RGS10: variants seen among roughly 807,000 people sequenced by gnomAD.
RGS10 encodes regulator of G protein signaling 10, also known as regulator of G-protein signalling 10.
In RGS10, 11 loss-of-function variants were observed where a neutral mutation model predicts 23.5. The ratio of observed to expected loss-of-function variants is 0.47; its 90% CI spans 0.29 to 0.77. The LOEUF is 0.77. RGS10 is among the 30% of genes least tolerant of loss of function. The probability of loss-of-function intolerance (pLI) is 0.08; values close to 1 mark genes in which losing one functional copy is unlikely to be tolerated. For missense variants in RGS10, 180 were observed against 226.3 expected (o/e 0.80, Z 1.31); for synonymous variants, 77 against 83.2 (o/e 0.92, Z 0.41).
intron 1 of RGS10, chr10:119,536,389 C>T: frequency 7.1e-7 from 1 of 1,404,506 alleles, no homozygotes; most frequent in Admixed American, 1.8e-5. Context: ...CACACTCTTC[C>T]CAGCCCCTGC....
rs200925669 is a variant in RGS10, at chr10:119,502,148, CT to C, written c.400-1890del. ...GAGGTTTACAGAAAAAAAAAACAAACTTTTTTTTAATCCCAGAAAATACAAA... is the reference window on the plus strand; with the variant it reads ...GAGGTTTACAGAAAAAAAAAACAAACTTTTTTTAATCCCAGAAAATACAAA... On this transcript the variant is annotated intron_variant, in intron 4 of 4. Coordinates refer to ENST00000369103, the MANE Select transcript of RGS10 (RefSeq NM_001005339.2). Among the ~76,000 whole-genome samples the C allele has an allele frequency of 8.2e-3, 1,247 of 151,354 alleles. 19 individuals carry two copies. The highest frequency in any genetic ancestry group is 0.029 in the African/African-American group (1,181 of 41,234).
chr10:119,531,613 A>C (rs1269702611), intron 1 of RGS10, among the ~76,000 whole-genome samples: 1 of 152,264 alleles, frequency 6.6e-6, no homozygotes, highest in East Asian at 1.9e-4. Flanking sequence ...CTCAAAACAC[A>C]CTAATGTGGT....
chr10:119,525,382 C>A (rs1844262773), intron 3 of RGS10, among the ~76,000 whole-genome samples: 1 of 152,198 alleles, frequency 6.6e-6, no homozygotes, highest in Non-Finnish European at 1.5e-5. Flanking sequence ...ACACCAGGAG[C>A]CTCCTTCATT....
At chr10:119,514,753 T>C (rs989230667) in intron 4 of RGS10, among the ~76,000 whole-genome samples, 39 of 151,932 alleles carry the variant, frequency 2.6e-4, no homozygotes, top group Admixed American at 2.6e-3. Context: ...CAGAGGTCAG[T>C]ACAGGTTCGC....
At chr10:119,513,278 C>G (rs1283778510) in intron 4 of RGS10, among the ~76,000 whole-genome samples, 1 of 151,794 alleles carries the variant, frequency 6.6e-6, no homozygotes, top group Non-Finnish European at 1.5e-5. Flanking sequence ...GGCAACATAG[C>G]GAAAGTTCAT....
chr10:119,510,291 ACC>A (rs1327863011), intron 4 of RGS10, among the ~76,000 whole-genome samples: 2 of 150,652 alleles, frequency 1.3e-5, no homozygotes, highest in African/African-American at 4.9e-5. Flanking sequence ...AACTTTCACC[ACC>A]CCCTCATGTG....
intron 1 of RGS10, among the ~76,000 whole-genome samples, chr10:119,534,590 C>CAAA (rs561361616): frequency 1.5e-4 from 11 of 72,906 alleles, no homozygotes; most frequent in South Asian, 1.1e-3. Flanking sequence ...GACTCTGTCT[C>CAAA]AAAAAAAAAA....
intron 1 of RGS10, among the ~76,000 whole-genome samples, chr10:119,534,453 T>C (rs1345987400): frequency 1.4e-5 from 2 of 147,990 alleles, no homozygotes; most frequent in Non-Finnish European, 3.0e-5. Context: ...TAGCCAGGCA[T>C]GGTAGCACGT....
Position 119,517,960 on chromosome 10 carries a change from C to T in RGS10, c.256-2308G>A, listed in dbSNP as rs1844165010. On this transcript the variant is annotated intron_variant, in intron 3 of 4. Transcript: ENST00000369103. This position sits in a 1 kb window ranked among gnomAD's most constrained non-coding sequence, Gnocchi z 5.0. ...GCCCACTGTGAGCAGCTGCAGGGCT[C>T]AGCTTATCTCGGCGGAGCTAGGAAG... 6.6e-6 allele frequency among the ~76,000 whole-genome samples: 1 copy of T among 152,104 alleles called. No individual in the cohort carries two copies. The highest frequency in any genetic ancestry group is 2.1e-4 in the South Asian group (1 of 4,808).
chr10:119,501,810 G>A (rs1280188228), intron 4 of RGS10, among the ~76,000 whole-genome samples: 2 of 152,174 alleles, frequency 1.3e-5, no homozygotes, highest in African/African-American at 4.8e-5. Context: ...GAGGATGGGA[G>A]GTGCTTCAGG....
intron 4 of RGS10, among the ~76,000 whole-genome samples, chr10:119,513,409 G>A (rs1026579217): frequency 2.0e-5 from 3 of 152,074 alleles, no homozygotes; most frequent in East Asian, 1.9e-4. Context: ...GCACTGAGCC[G>A]GGTTCATGCC....
In RGS10 at chr10:119,526,117, T is replaced by G. The variant is rs1032546046; in HGVS notation, c.170A>C (p.Glu57Ala). Residue 57 changes from glutamate to alanine, a missense_variant and splice_region_variant, in exon 3 of 5, where the codon GAA becomes GCA. Glu to Ala is a moderately radical substitution (Grantham distance 107, BLOSUM62 -1). Coordinates refer to ENST00000369103, the MANE Select transcript of RGS10 (RefSeq NM_001005339.2). ...EDPEGVKRFR[E>A]FLKKEFSEEN... Reference sequence around the variant, plus strand: ...TTCACTGAATTCCTTTTTTAAAAATTCCTGTGGATACAAAGAAAAAGAGTC... The same window carrying G: ...TTCACTGAATTCCTTTTTTAAAAATGCCTGTGGATACAAAGAAAAAGAGTC... 6.7e-7 allele frequency: 1 copy of G among 1,496,894 alleles called. No homozygotes were observed. The highest frequency in any genetic ancestry group is 9.2e-7 in the Non-Finnish European group (1 of 1,091,590). The allele number at this position is 1,496,894 out of a possible 1,614,324, so 92.7% of individuals were successfully genotyped here.
At chr10:119,506,136 A>T (rs1393109951) in intron 4 of RGS10, among the ~76,000 whole-genome samples, 6 of 152,212 alleles carry the variant, frequency 3.9e-5, no homozygotes, top group Non-Finnish European at 4.4e-5. Flanking sequence ...CTGTCCCTCC[A>T]GCCCTCAGAA....
chr10:119,515,741 A>G, intron 3 of RGS10, 89 bp from the exon 4 acceptor site: 2 of 1,521,018 alleles, frequency 1.3e-6, no homozygotes, highest in Non-Finnish European at 1.8e-6. Flanking sequence ...GGCCCACAGG[A>G]GCTGCTGTGG....
At chr10:119,509,049 C>T (rs1332262001) in intron 4 of RGS10, among the ~76,000 whole-genome samples, 1 of 152,086 alleles carries the variant, frequency 6.6e-6, no homozygotes, top group East Asian at 1.9e-4. Context: ...TACAGTGAGC[C>T]ATGATGGTGC....
At chr10:119,512,332 G>A (rs1435756706) in intron 4 of RGS10, among the ~76,000 whole-genome samples, 1 of 152,124 alleles carries the variant, frequency 6.6e-6, no homozygotes, top group Non-Finnish European at 1.5e-5. Flanking sequence ...AGCTCTCGAG[G>A]GAGCCTTTGC....
chr10:119,533,080 G>A (rs970836261), intron 1 of RGS10, among the ~76,000 whole-genome samples: 104 of 134,660 alleles, frequency 7.7e-4, no homozygotes, highest in African/African-American at 2.7e-3. Flanking sequence ...AAAAGAGGCC[G>A]GGCACAGTGG....
intron 1 of RGS10, among the ~76,000 whole-genome samples, chr10:119,540,868 A>G (rs939508018): frequency 1.3e-4 from 20 of 152,232 alleles, no homozygotes; most frequent in African/African-American, 4.8e-4. Context: ...TAGGGGCTTC[A>G]TATGGTTTTG....
chr10:119,519,924 T>A (rs1368543454), intron 3 of RGS10, among the ~76,000 whole-genome samples: 1 of 152,164 alleles, frequency 6.6e-6, no homozygotes, highest in East Asian at 1.9e-4. Context: ...ATGTAGCCAG[T>A]TGGTTTCTAG....
Sources: gnomAD v4.1 joint callset for allele counts (sites outside exome capture counted in the v4.1 genomes callset) on GRCh38, gnomAD v4.1.1 for gene constraint, Gnocchi (gnomAD v3.1) non-coding constraint, MANE v1.5 for transcripts, NCBI Gene and HGNC (gene_info 2026-07-23, HGNC 2026-07-21) for gene names.